Variants in ZNF616 observed in about 807,000 individuals in gnomAD.
The protein encoded by ZNF616 is zinc finger protein 616.
ZNF616 carries 5 observed loss-of-function variants against 7.6 expected under a neutral mutation model. The ratio of observed to expected loss-of-function variants is 0.66; its 90% confidence interval spans 0.34 to 1.38. ZNF616 has a LOEUF of 1.38. Ranked by LOEUF, ZNF616 falls within the 40% of genes most tolerant of loss-of-function variation. The pLI, the probability that ZNF616 is intolerant of heterozygous loss-of-function variation, is 0.04. For synonymous variants in ZNF616, 319 were observed against 317.2 expected (o/e 1.01, Z -0.06); for missense variants, 913 against 948.3 (o/e 0.96, Z 0.49).
chr19:52,123,254 TAAAAC>T (rs2122153413), intron 3 of ZNF616, among the ~76,000 whole-genome samples: 2 of 152,238 alleles, frequency 1.3e-5, no homozygotes, highest in African/African-American at 4.8e-5. Context: ...AGCGGTCACT[TAAAAC>T]AAATTATGTG....
At position 52,115,940 on chromosome 19, in the gene ZNF616, A is replaced by C. The variant is rs552169532; in HGVS notation, c.1224T>G (p.Pro408=). The change falls in exon 4 of 4, where the codon CCT becomes CCG. Residue 408 remains proline (P), a synonymous_variant. Transcript: ENST00000600228. ...VHRRIHTVEK[P]CKCNECGKVF... ...CCTTGCCACATTCATTGCATTTGCA[A>C]GGTTTCTCTACAGTGTGAATTCGTC... The C allele has an allele frequency of 6.2e-7, 1 of 1,612,602 alleles. No homozygotes were observed. Among genetic ancestry groups the C allele is most frequent in the African/African-American group, 1.3e-5 (1 of 74,574 alleles).
chr19:52,132,460 T>C (rs145938525), intron 1 of ZNF616, among the ~76,000 whole-genome samples: 2 of 152,184 alleles, frequency 1.3e-5, no homozygotes, highest in African/African-American at 4.8e-5. Context: ...TCACACTGAA[T>C]TGTAATCCCC....
At chr19:52,128,611 G>A (rs2088930028) in intron 2 of ZNF616, among the ~76,000 whole-genome samples, 1 of 151,880 alleles carries the variant, frequency 6.6e-6, no homozygotes, top group African/African-American at 2.4e-5. Flanking sequence ...GCACGGTGGT[G>A]CATGCCTGTG....
chr19:52,126,514 C>A (rs57407993), intron 2 of ZNF616, among the ~76,000 whole-genome samples: 1 of 151,472 alleles, frequency 6.6e-6, no homozygotes. Flanking sequence ...GACTCTGTCT[C>A]CAAAAATAAA....
chr19:52,128,186 T>TAA (rs777095751), intron 2 of ZNF616, among the ~76,000 whole-genome samples: 146 of 97,584 alleles, frequency 1.5e-3, no homozygotes, highest in Middle Eastern at 0.011. Context: ...TCCCACCCAA[T>TAA]AAAAAAAAAA....
intron 3 of ZNF616, 91 bp from the exon 4 acceptor site, chr19:52,117,115 A>T: frequency 3.5e-6 from 4 of 1,142,084 alleles, no homozygotes; most frequent in Non-Finnish European, 4.9e-6. Context: ...CACTAAACAT[A>T]ATCTTTATAC....
Position 52,115,552 on chromosome 19 carries a change from T to G in ZNF616, c.1612A>C (p.Arg538=), listed in dbSNP as rs373713748. ...KVFSDRSAFA[R]HRRIHTGEKP... Reference sequence around the variant, plus strand: ...TCTCCAGTATGAATTCTCCGATGCCTTGCAAAAGCTGAACGGTCACTGAAG... The same window carrying G: ...TCTCCAGTATGAATTCTCCGATGCCGTGCAAAAGCTGAACGGTCACTGAAG... The change falls in exon 4 of 4, where the codon AGG becomes CGG. Residue 538 remains arginine, a synonymous_variant. Transcript: ENST00000600228. The G allele has an allele frequency of 6.2e-6, 10 of 1,612,364 alleles. No homozygotes were observed. In the African/African-American group the frequency reaches 1.3e-4, roughly 22 times the overall value.
chr19:52,116,935 G>A lies in ZNF616; in HGVS notation c.229C>T (p.His77Tyr). The A allele has an allele frequency of 8.7e-6, 14 of 1,613,790 alleles. No individual in the cohort carries two copies. The highest frequency in any genetic ancestry group is 1.1e-5 in the Non-Finnish European group (13 of 1,179,936). The stretch of plus-strand genomic sequence containing the variant: ...AAATTTTCAATATCATAGCTTTGAT[G>A]TCTTTCCAGTGCCACTGTTTGGAAC... ...ERFQTVALER[H>Y]QSYDIENLYF... The change falls in exon 4 of 4, where the codon CAT (histidine) becomes TAT (tyrosine). Residue 77 changes from histidine (H) to tyrosine (Y), a missense_variant. His to Tyr is a moderately conservative substitution (Grantham distance 83). Transcript: ENST00000600228.
chr19:52,115,253 C>T lies in ZNF616; in HGVS notation c.1911G>A (p.Gln637=), dbSNP rs45591734. 0.033 allele frequency: 53,882 copies of T among 1,614,100 alleles called. 1,068 individuals carry two copies. Among genetic ancestry groups the T allele is most frequent in the South Asian group, 0.047 (4,266 of 91,086 alleles). The change falls in exon 4 of 4, where the codon CAG becomes CAA. Residue 637 remains glutamine, a synonymous_variant. Transcript: ENST00000600228. ...HTGEKPYKCN[Q]CGNSFSQRVH... ...CACGCTGACTAAAGGAATTCCCACA[C>T]TGATTGCATTTGTAAGGTTTCTCTC...
intron 1 of ZNF616, among the ~76,000 whole-genome samples, chr19:52,133,981 T>A (rs1450889705): frequency 6.6e-6 from 1 of 152,098 alleles, no homozygotes; most frequent in Non-Finnish European, 1.5e-5. Context: ...CAGTATTTGG[T>A]TTTCTGTCCC....
Position 52,115,000 on chromosome 19 carries a change from A to T in ZNF616, c.2164T>A (p.Cys722Ser). Reference sequence around the variant, plus strand: ...AACAACCGCCCAAAGGCTTTGCCACATTCAATACATTTGTATCTTTTCTCT... The same window carrying T: ...AACAACCGCCCAAAGGCTTTGCCACTTTCAATACATTTGTATCTTTTCTCT... ...TGEKRYKCIECGKAFGRLFSL... is the reference protein window; with the variant it reads ...TGEKRYKCIESGKAFGRLFSL... Residue 722 changes from cysteine (C) to serine (S), a missense_variant, in exon 4 of 4, where the codon TGT (cysteine) becomes AGT (serine). Coordinates refer to ENST00000600228, the MANE Select transcript of ZNF616 (RefSeq NM_178523.5). 1 of 1,614,236 alleles carries T rather than the reference A, an allele frequency of 6.2e-7. No homozygotes were observed.
intron 2 of ZNF616, among the ~76,000 whole-genome samples, chr19:52,126,553 A>G (rs2088909851): frequency 6.6e-6 from 1 of 152,010 alleles, no homozygotes; most frequent in African/African-American, 2.4e-5. Context: ...AGATCACCTG[A>G]GGTCAGGAGT....
At chr19:52,120,675 T>C (rs1312227078) in intron 3 of ZNF616, among the ~76,000 whole-genome samples, 2 of 152,210 alleles carry the variant, frequency 1.3e-5, no homozygotes, top group African/African-American at 4.8e-5. Flanking sequence ...TAAACTGGTA[T>C]CAGTCAAAAC....
chr19:52,131,548 A>G (rs147103853), intron 1 of ZNF616, among the ~76,000 whole-genome samples: 143 of 152,290 alleles, frequency 9.4e-4, no homozygotes, highest in African/African-American at 3.3e-3. Flanking sequence ...AGAGCAGAAA[A>G]TATGGACCTG....
In ZNF616 at chr19:52,115,320, T is replaced by C; in HGVS notation, c.1844A>G (p.Asn615Ser). 6.2e-7 allele frequency: 1 copy of C among 1,613,442 alleles called. No homozygotes were observed. Among genetic ancestry groups the C allele is most frequent in the Non-Finnish European group, 8.5e-7 (1 of 1,179,828 alleles). The change falls in exon 4 of 4, where the codon AAT becomes AGT. Residue 615 changes from asparagine (N) to serine (S), a missense_variant. Coordinates refer to ENST00000600228, the MANE Select transcript of ZNF616 (RefSeq NM_178523.5). ...YKCHECGKAF[N>S]QGSTLNRHQR... ...ATGTCTATTGAGTGTGGAGCCCTGA[T>C]TAAAGGCTTTGCCACATTCATGACA...
intron 3 of ZNF616, chr19:52,122,232 T>A (rs1328048659): frequency 1.3e-5 from 2 of 152,154 alleles, no homozygotes; most frequent in Non-Finnish European, 2.9e-5. Flanking sequence ...ACGTCTGTAA[T>A]CCCAGCACTT....
rs972179873 is a variant in ZNF616, at chr19:52,114,092, C to T, written c.*726G>A. On this transcript the variant is annotated 3_prime_UTR_variant, in exon 4 of 4. Coordinates refer to ENST00000600228, the MANE Select transcript of ZNF616 (RefSeq NM_178523.5). ...CACATACATTTATATGATTTCCTTTCAGTATAAACTCTCTTATGACAAGTA... is the reference window on the plus strand; with the variant it reads ...CACATACATTTATATGATTTCCTTTTAGTATAAACTCTCTTATGACAAGTA... 10 of 152,162 alleles carry T rather than the reference C, an allele frequency of 6.6e-5. No individual in the cohort carries two copies. The highest frequency in any genetic ancestry group is 2.2e-4 in the African/African-American group (9 of 41,430). The allele number at this position is 152,162 out of a possible 1,614,324, so 9.4% of individuals were successfully genotyped here.
rs776026230 is a variant in ZNF616 at position 52,116,012 on chromosome 19, A to G, written c.1152T>C (p.Asn384=). ...GTTTACTGAAGACCTTGCCACATTC[A>G]TTGCATTTGTATTGTTTCTCTCCAC... is the stretch of plus-strand genomic sequence containing the variant. ...IHSGEKQYKC[N]ECGKVFSKRS... is the part of the protein sequence containing the mutation. Residue 384 remains asparagine (N), a synonymous_variant, in exon 4 of 4, where the codon AAT becomes AAC. Transcript: ENST00000600228. The G allele has an allele frequency of 2.0e-5, 32 of 1,614,046 alleles. No homozygotes were observed. The highest frequency in any genetic ancestry group is 5.0e-5 in the Admixed American group (3 of 60,002).
rs936964936 is a variant in ZNF616, at chr19:52,114,151, C to T, written c.*667G>A. 1 of 152,132 alleles carries T rather than the reference C, an allele frequency of 6.6e-6. No homozygotes were observed. Among genetic ancestry groups the T allele is most frequent in the African/African-American group, 2.4e-5 (1 of 41,426 alleles). 9.4% of individuals were successfully genotyped at this position (152,132 alleles called of 1,614,324 possible). A position where few individuals can be genotyped will look rare whatever the true frequency, so the allele number is the denominator to read the frequency against. On this transcript the variant is annotated 3_prime_UTR_variant, in exon 4 of 4. Transcript: ENST00000600228. Reference sequence around the variant, plus strand: ...ACTCTAGTAAAGGTTTTGCCACCCTCATTTCATTTCATACATCTATGCCCT... The same window carrying T: ...ACTCTAGTAAAGGTTTTGCCACCCTTATTTCATTTCATACATCTATGCCCT...
Sources: gnomAD v4.1 joint callset for allele counts (sites outside exome capture counted in the v4.1 genomes callset) on GRCh38, gnomAD v4.1.1 for gene constraint, MANE v1.5 for transcripts, NCBI Gene and HGNC (gene_info 2026-07-23, HGNC 2026-07-21) for gene names.